Variants in THRB observed in about 807,000 individuals in gnomAD.
THRB encodes the protein nuclear receptor subfamily 1 group A member 2.
In THRB, 12 loss-of-function variants were observed where a neutral mutation model predicts 47.8. That is an observed-to-expected ratio of 0.25 (90% CI 0.16 to 0.41). The LOEUF (loss-of-function observed/expected upper bound fraction) is 0.41. THRB is among the 10% of genes least tolerant of loss of function. The pLI is 1.00. For synonymous variants in THRB, 218 were observed against 212.2 expected (o/e 1.03, Z -0.24); for missense variants, 348 against 589.2 (o/e 0.59, Z 4.24).
At chr3:24,398,588 G>C (rs1204228751) in intron 1 of THRB, among the ~76,000 whole-genome samples, 2 of 152,176 alleles carry the variant, frequency 1.3e-5, no homozygotes, top group African/African-American at 4.8e-5. Context: ...ACAGGTGCTG[G>C]AGAGGATGTG....
chr3:24,333,649 T>C (rs921268326), intron 2 of THRB, among the ~76,000 whole-genome samples: 1 of 152,224 alleles, frequency 6.6e-6, no homozygotes, highest in Non-Finnish European at 1.5e-5. Context: ...AAGCACAGTA[T>C]GTGTGGGTTA....
At chr3:24,343,772 C>A (rs1382539218) in intron 1 of THRB, among the ~76,000 whole-genome samples, 1 of 151,878 alleles carries the variant, frequency 6.6e-6, no homozygotes, top group Non-Finnish European at 1.5e-5. Context: ...TACATGCCAT[C>A]TCTGCTGTAA....
chr3:24,394,343 G>C (rs1334919392), intron 1 of THRB, among the ~76,000 whole-genome samples: 1 of 152,114 alleles, frequency 6.6e-6, no homozygotes, highest in Non-Finnish European at 1.5e-5. Flanking sequence ...ACCTGAGTGA[G>C]AGCCAGTACT....
chr3:24,181,683 T>A (rs2041912446), intron 5 of THRB, among the ~76,000 whole-genome samples: 1 of 152,178 alleles, frequency 6.6e-6, no homozygotes, highest in South Asian at 2.1e-4. Context: ...CCTGACAAGC[T>A]GCACAGTATT....
chr3:24,281,020 A>G (rs2054534152), intron 3 of THRB, among the ~76,000 whole-genome samples: 1 of 152,176 alleles, frequency 6.6e-6, no homozygotes, highest in Non-Finnish European at 1.5e-5. Flanking sequence ...TCTGCAGGAT[A>G]TCATCCAGGA....
chr3:24,301,170 G>A (rs1001601813), intron 2 of THRB, among the ~76,000 whole-genome samples: 1 of 152,174 alleles, frequency 6.6e-6, no homozygotes, highest in Non-Finnish European at 1.5e-5. Context: ...CCTTCAGAGG[G>A]AGTGTGGCCC....
At chr3:24,223,845 A>G (rs1169451959) in intron 4 of THRB, among the ~76,000 whole-genome samples, 3 of 152,144 alleles carry the variant, frequency 2.0e-5, no homozygotes, top group Non-Finnish European at 4.4e-5. Context: ...TTAAACAAAC[A>G]GGTTAAGTTA....
intron 2 of THRB, among the ~76,000 whole-genome samples, chr3:24,332,962 A>G (rs1205756975): frequency 7.2e-5 from 11 of 152,144 alleles, no homozygotes; most frequent in South Asian, 4.1e-4. Context: ...GCGGGTGCCT[A>G]TAGTCCCAGT....
chr3:24,342,533 T>A (rs182524075), intron 1 of THRB, among the ~76,000 whole-genome samples: 1 of 151,750 alleles, frequency 6.6e-6, no homozygotes, highest in African/African-American at 2.4e-5. Context: ...GCAGAGAGAG[T>A]GGAGAAGAAA....
intron 4 of THRB, among the ~76,000 whole-genome samples, chr3:24,190,640 T>C (rs147765498): frequency 6.6e-6 from 1 of 151,944 alleles, no homozygotes; most frequent in Non-Finnish European, 1.5e-5. Context: ...CAGGAGCAAG[T>C]TTACACACCA....
At chr3:24,138,795 G>A (rs982195465) in intron 8 of THRB, among the ~76,000 whole-genome samples, 6 of 152,154 alleles carry the variant, frequency 3.9e-5, no homozygotes, top group African/African-American at 1.4e-4. Flanking sequence ...TGCCCCAATT[G>A]AGTGTGTGAA....
chr3:24,162,152 C>T (rs1432041047), intron 5 of THRB, among the ~76,000 whole-genome samples: 2 of 151,506 alleles, frequency 1.3e-5, no homozygotes, highest in African/African-American at 2.4e-5. Flanking sequence ...AAACAGCTAG[C>T]ACTTCCACCC....
chr3:24,400,882 C>G (rs766662290), intron 1 of THRB, among the ~76,000 whole-genome samples: 22 of 152,006 alleles, frequency 1.4e-4, no homozygotes, highest in Non-Finnish European at 2.8e-4. Context: ...CAACACTTTC[C>G]ACAACTTCAT....
intron 1 of THRB, chr3:24,430,155 C>A (rs1353584466): frequency 6.6e-6 from 1 of 152,020 alleles, no homozygotes; most frequent in Non-Finnish European, 1.5e-5. Flanking sequence ...TCAGGATGAT[C>A]CTCAGGAACT....
intron 3 of THRB, among the ~76,000 whole-genome samples, chr3:24,240,009 A>C (rs2049324007): frequency 6.6e-6 from 1 of 152,164 alleles, no homozygotes; most frequent in Admixed American, 6.5e-5. Flanking sequence ...GTTTCCCTCA[A>C]AAATTAAAAA....
intron 3 of THRB, among the ~76,000 whole-genome samples, chr3:24,286,889 G>A (rs991379348): frequency 6.6e-6 from 1 of 152,194 alleles, no homozygotes; most frequent in Non-Finnish European, 1.5e-5. Context: ...GGGGTTCCAA[G>A]AGGAACACGA....
chr3:24,236,819 C>T lies in THRB; in HGVS notation c.-42-7818G>A, dbSNP rs189983071. 9.8e-4 allele frequency among the ~76,000 whole-genome samples: 149 copies of T among 152,248 alleles called. 2 individuals are homozygous for T. Among genetic ancestry groups the T allele is most frequent in the Admixed American group, 1.9e-3 (29 of 15,298 alleles). On this transcript the variant is annotated intron_variant, in intron 3 of 10. Transcript: ENST00000646209. The stretch of plus-strand genomic sequence containing the variant: ...GTCTATAGCATCCTGAGTGCAGCCC[C>T]AGTTATCCTTCCCCGAGCCCTTTGC...
chr3:24,171,184 C>A (rs2040385234), intron 5 of THRB, among the ~76,000 whole-genome samples: 1 of 152,226 alleles, frequency 6.6e-6, no homozygotes. Flanking sequence ...GATCTTACCA[C>A]TGAAGTGCTG....
chr3:24,398,269 G>A (rs1391741695), intron 1 of THRB, among the ~76,000 whole-genome samples: 4 of 152,166 alleles, frequency 2.6e-5, no homozygotes, highest in African/African-American at 4.8e-5. Flanking sequence ...CACAGCAAAA[G>A]AAAGTACCAT....
Sources: allele counts gnomAD v4.1 joint callset (sites outside exome capture counted in the v4.1 genomes callset), GRCh38; gene constraint gnomAD v4.1.1; transcripts MANE v1.5; gene names NCBI Gene and HGNC (gene_info 2026-07-23, HGNC 2026-07-21).